The following PRKCQ variants were observed in gnomAD, a reference collection of about 807,000 sequenced individuals.
PRKCQ encodes the protein protein kinase C theta type.
PRKCQ carries 41 observed loss-of-function variants against 91.2 expected under a neutral mutation model. The observed-to-expected ratio is 0.45, with a 90% CI of 0.35 to 0.58. The LOEUF is 0.58. PRKCQ is among the 20% of genes least tolerant of loss of function. The probability of loss-of-function intolerance (pLI) is 0.00; values close to 1 mark genes in which losing one functional copy is unlikely to be tolerated. For synonymous variants in PRKCQ, 307 were observed against 316.9 expected (o/e 0.97, Z 0.33); for missense variants, 673 against 896.5 (o/e 0.75, Z 3.18).
chr10:6,433,394 A>G (rs576677421), intron 16 of PRKCQ, among the ~76,000 whole-genome samples: 1 of 152,316 alleles, frequency 6.6e-6, no homozygotes, highest in East Asian at 1.9e-4. Context: ...CACCATTGAC[A>G]TATCTATTCC....
chr10:6,429,567 G>GCC (rs1179162356), intron 17 of PRKCQ, among the ~76,000 whole-genome samples: 1 of 152,076 alleles, frequency 6.6e-6, no homozygotes, highest in African/African-American at 2.4e-5. Flanking sequence ...CATGAGCCTG[G>GCC]CCCCCTTCAG....
chr10:6,576,242 C>G lies in PRKCQ; in HGVS notation c.-10+3969G>C, dbSNP rs1472948382. Among the ~76,000 whole-genome samples, 1 of 152,186 alleles carries G rather than the reference C, an allele frequency of 6.6e-6. No homozygotes were observed. Among genetic ancestry groups the G allele is most frequent in the East Asian group, 1.9e-4 (1 of 5,198 alleles). ...AAAGAATTGAAAGCAGGACCTCAAA[C>G]AGATATCTGCGTGTTCCTCTTCACG... On this transcript the variant is annotated intron_variant, in intron 1 of 17. Coordinates refer to ENST00000263125, the MANE Select transcript of PRKCQ (RefSeq NM_006257.5). This position sits in a 1 kb window ranked among gnomAD's most constrained non-coding sequence, Gnocchi z 4.2.
At chr10:6,434,178 G>T (rs1158787364) in intron 16 of PRKCQ, among the ~76,000 whole-genome samples, 4 of 152,078 alleles carry the variant, frequency 2.6e-5, no homozygotes, top group African/African-American at 2.4e-5. Context: ...TGGCGTAAGT[G>T]TCTCAGGAAG....
rs11258749 is a variant in PRKCQ at position 6,431,312 on chromosome 10, G to A, written c.1837-374C>T. On this transcript the variant is annotated intron_variant, in intron 16 of 17. Coordinates refer to ENST00000263125, the MANE Select transcript of PRKCQ (RefSeq NM_006257.5). ...AAGACAGCAATACACACACAAACAC[G>A]CACATAGACAGGCACACACGTGCAC... is the stretch of plus-strand genomic sequence containing the variant. 8.9e-3 allele frequency among the ~76,000 whole-genome samples: 1,354 copies of A among 152,204 alleles called. 12 individuals carry two copies. The highest frequency in any genetic ancestry group is 0.031 in the African/African-American group (1,272 of 41,530).
chr10:6,502,211 G>T (rs368042269), intron 4 of PRKCQ, among the ~76,000 whole-genome samples: 1 of 152,172 alleles, frequency 6.6e-6, no homozygotes, highest in Non-Finnish European at 1.5e-5. Flanking sequence ...GTGGGACCAC[G>T]GAAATGAGGA....
At chr10:6,403,644 T>C in the PRKCQ span, among the ~76,000 whole-genome samples, 1 of 152,194 alleles carries the variant, frequency 6.6e-6, no homozygotes, top group African/African-American at 2.4e-5. Context: ...TCAAATGCTG[T>C]GTCAGACCAT....
At chr10:6,402,371 C>CAAAAAA in the PRKCQ span, among the ~76,000 whole-genome samples, 2 of 66,566 alleles carry the variant, frequency 3.0e-5, no homozygotes, top group African/African-American at 6.1e-5. Context: ...ATTTCAATGC[C>CAAAAAA]AAAAAAAAAA....
At chr10:6,519,556 C>T (rs1838912258) in intron 1 of PRKCQ, among the ~76,000 whole-genome samples, 1 of 152,174 alleles carries the variant, frequency 6.6e-6, no homozygotes, top group Admixed American at 6.5e-5. Flanking sequence ...ACCCAGACCC[C>T]TGCAACTCTG....
At chr10:6,504,471 C>T (rs904994908) in intron 4 of PRKCQ, among the ~76,000 whole-genome samples, 4 of 152,224 alleles carry the variant, frequency 2.6e-5, no homozygotes, top group African/African-American at 9.6e-5. Flanking sequence ...CAAGCCTTCA[C>T]TTTTTCCTCC....
At chr10:6,491,391 GTCT>G (rs1299687268) in intron 8 of PRKCQ, among the ~76,000 whole-genome samples, 1 of 152,218 alleles carries the variant, frequency 6.6e-6, no homozygotes, top group Non-Finnish European at 1.5e-5. Flanking sequence ...GAGAAACACT[GTCT>G]TCATTTCCCC....
intron 1 of PRKCQ, among the ~76,000 whole-genome samples, chr10:6,558,043 TTCACG>T (rs781085420): frequency 7.6e-4 from 116 of 152,310 alleles, no homozygotes; most frequent in Non-Finnish European, 1.1e-3. Flanking sequence ...CCCTTGCTCT[TTCACG>T]CTGCCTTTTC....
At chr10:6,578,545 G>A (rs973052843) in intron 1 of PRKCQ, among the ~76,000 whole-genome samples, 8 of 152,230 alleles carry the variant, frequency 5.3e-5, no homozygotes, top group African/African-American at 1.7e-4. Flanking sequence ...ACTTAGAGTG[G>A]ATCGCTAACT....
intron 15 of PRKCQ, among the ~76,000 whole-genome samples, chr10:6,455,745 C>T (rs1490035728): frequency 6.6e-6 from 1 of 152,190 alleles, no homozygotes; most frequent in Non-Finnish European, 1.5e-5. Context: ...ACATCAGTTT[C>T]CTGGCTTTGA....
intron 1 of PRKCQ, among the ~76,000 whole-genome samples, chr10:6,563,459 C>T (rs1324551771): frequency 1.3e-5 from 2 of 152,126 alleles, no homozygotes; most frequent in African/African-American, 4.8e-5. Flanking sequence ...ACTGCCTCTT[C>T]CCTATAAGCC....
intron 4 of PRKCQ, among the ~76,000 whole-genome samples, chr10:6,505,545 C>CTTCT (rs1244103462): frequency 7.4e-6 from 1 of 134,866 alleles, no homozygotes; most frequent in African/African-American, 2.7e-5. Context: ...TCTTTCTTTT[C>CTTCT]TTCTTTCTTT....
At chr10:6,454,852 C>T (rs1270556506) in intron 15 of PRKCQ, among the ~76,000 whole-genome samples, 2 of 152,024 alleles carry the variant, frequency 1.3e-5, no homozygotes, top group African/African-American at 2.4e-5. Flanking sequence ...CACTGAATCA[C>T]GTGGAGACAA....
intron 1 of PRKCQ, among the ~76,000 whole-genome samples, chr10:6,558,631 T>C (rs1418886199): frequency 6.6e-6 from 1 of 152,206 alleles, no homozygotes; most frequent in East Asian, 1.9e-4. Flanking sequence ...ACAGAGTCCC[T>C]AGGAGCAGCA....
rs1027776475 is a variant in PRKCQ at position 6,430,146 on chromosome 10, T to C, written c.1965+664A>G. ...CTGGGATTACAGGCGTGAGCCACCA[T>C]GCCCAGCCCAACCTTGCTTTATTTT... On this transcript the variant is annotated intron_variant, in intron 17 of 17. Coordinates refer to ENST00000263125, the MANE Select transcript of PRKCQ (RefSeq NM_006257.5). The surrounding 1 kb of genome is among the most constrained non-coding windows in gnomAD (Gnocchi z 4.7). 6.6e-6 allele frequency among the ~76,000 whole-genome samples: 1 copy of C among 152,204 alleles called. No individual in the cohort carries two copies. The highest frequency in any genetic ancestry group is 1.5e-5 in the Non-Finnish European group (1 of 68,028).
In PRKCQ at chr10:6,576,463, G is replaced by A. The variant is rs1182460146; in HGVS notation, c.-10+3748C>T. On this transcript the variant is annotated intron_variant, in intron 1 of 17. Coordinates refer to ENST00000263125, the MANE Select transcript of PRKCQ (RefSeq NM_006257.5). The surrounding 1 kb of genome is among the most constrained non-coding windows in gnomAD (Gnocchi z 4.2). ...AGACAGTTACAAAAGGATGGATACT[G>A]TATTCTGCTTCTGTGAGGTCCCTAG... is the stretch of plus-strand genomic sequence containing the variant. 6.6e-6 allele frequency among the ~76,000 whole-genome samples: 1 copy of A among 152,256 alleles called. No homozygotes were observed. The highest frequency in any genetic ancestry group is 1.5e-5 in the Non-Finnish European group (1 of 68,048).
Sources: gnomAD v4.1 joint callset for allele counts (sites outside exome capture counted in the v4.1 genomes callset) on GRCh38, gnomAD v4.1.1 for gene constraint, Gnocchi (gnomAD v3.1) non-coding constraint, MANE v1.5 for transcripts, NCBI Gene and HGNC (gene_info 2026-07-23, HGNC 2026-07-21) for gene names.